CFAP299: variants seen among roughly 807,000 people sequenced by gnomAD.
The protein encoded by CFAP299 is cilia- and flagella-associated protein 299.
In CFAP299, 21 loss-of-function variants were observed where a neutral mutation model predicts 27.0. That is an observed-to-expected ratio of 0.78 (90% CI 0.55 to 1.12). The LOEUF is 1.12. CFAP299 is among the 50% of genes most tolerant of loss of function. CFAP299 has a pLI of 0.00. For missense variants in CFAP299, 310 were observed against 276.6 expected (o/e 1.12, Z -0.86); for synonymous variants, 104 against 98.1 (o/e 1.06, Z -0.36).
At chr4:80,567,923 G>C (rs1211904573) in intron 2 of CFAP299, among the ~76,000 whole-genome samples, 1 of 151,422 alleles carries the variant, frequency 6.6e-6, no homozygotes, top group African/African-American at 2.4e-5. Context: ...ATGTATATTT[G>C]AATCAATTAA....
intron 3 of CFAP299, among the ~76,000 whole-genome samples, chr4:80,824,452 A>G (rs113187370): frequency 6.6e-6 from 1 of 152,038 alleles, no homozygotes; most frequent in African/African-American, 2.4e-5. Flanking sequence ...GTAGGCAGCT[A>G]TTGTTGCACA....
intron 2 of CFAP299, among the ~76,000 whole-genome samples, chr4:80,422,854 G>T (rs1267940924): frequency 6.6e-6 from 1 of 152,020 alleles, no homozygotes; most frequent in Non-Finnish European, 1.5e-5. Flanking sequence ...GAAAATTGTG[G>T]GTAATTTTTG....
chr4:80,927,486 T>C lies in CFAP299; in HGVS notation c.477-17324T>C, dbSNP rs73831206. 7.7e-3 allele frequency among the ~76,000 whole-genome samples: 1,173 copies of C among 152,192 alleles called. 3 individuals carry two copies. Among genetic ancestry groups the C allele is most frequent in the Middle Eastern group, 0.014 (4 of 294 alleles). On this transcript the variant is annotated intron_variant, in intron 4 of 5. Transcript: ENST00000358105. ...CAAATTTAGTGGCTTAAAATGACAC[T>C]CATTTATCCCGTCACAGTTCTGTGT... is the stretch of plus-strand genomic sequence containing the variant.
At chr4:80,476,579 G>A (rs1379558017) in intron 2 of CFAP299, among the ~76,000 whole-genome samples, 1 of 152,094 alleles carries the variant, frequency 6.6e-6, no homozygotes, top group Non-Finnish European at 1.5e-5. Context: ...ATTTCTTTCT[G>A]CATCTTCTTT....
intron 3 of CFAP299, among the ~76,000 whole-genome samples, chr4:80,721,785 A>G (rs1722832073): frequency 6.6e-6 from 1 of 152,346 alleles, no homozygotes; most frequent in East Asian, 1.9e-4. Flanking sequence ...TATGCAAGTT[A>G]GAAAACTGTG....
intron 3 of CFAP299, among the ~76,000 whole-genome samples, chr4:80,614,876 T>A (rs1245780487): frequency 1.3e-5 from 2 of 152,202 alleles, no homozygotes; most frequent in East Asian, 3.8e-4. Context: ...AATTTTAATG[T>A]CAACATACAA....
chr4:80,439,244 A>G (rs942621101), intron 2 of CFAP299, among the ~76,000 whole-genome samples: 1 of 152,234 alleles, frequency 6.6e-6, no homozygotes, highest in African/African-American at 2.4e-5. Context: ...AAAAGCAATT[A>G]GGGTTTCAGG....
chr4:80,605,302 A>G (rs994823859), intron 3 of CFAP299, among the ~76,000 whole-genome samples: 44 of 152,220 alleles, frequency 2.9e-4, no homozygotes, highest in African/African-American at 1.0e-3. Context: ...GAACTTATCT[A>G]TGACTTTATT....
rs183833700 is a variant in CFAP299, at chr4:80,379,122, A to G, written c.242+16238A>G. On this transcript the variant is annotated intron_variant, in intron 2 of 5. Transcript: ENST00000358105. ...ACTACAAACTCTATTTTTAAAATAGATAATAGGGAAAATCAGGTTCTTTCT... is the reference window on the plus strand; with the variant it reads ...ACTACAAACTCTATTTTTAAAATAGGTAATAGGGAAAATCAGGTTCTTTCT... Among the ~76,000 whole-genome samples the G allele has an allele frequency of 9.0e-4, 137 of 152,196 alleles. 3 individuals carry two copies. The highest frequency in any genetic ancestry group is 3.2e-3 in the African/African-American group (132 of 41,576).
chr4:80,398,617 T>C lies in CFAP299; in HGVS notation c.242+35733T>C, dbSNP rs1360133034. Among the ~76,000 whole-genome samples the C allele has an allele frequency of 1.4e-4, 10 of 72,620 alleles. No individual in the cohort carries two copies. In the Admixed American group the frequency reaches 1.8e-3, roughly 13 times the overall value. 47.6% of individuals were successfully genotyped at this position (72,620 alleles called of 152,430 possible). On this transcript the variant is annotated intron_variant, in intron 2 of 5. Coordinates refer to ENST00000358105, the MANE Select transcript of CFAP299 (RefSeq NM_152770.3). The stretch of plus-strand genomic sequence containing the variant: ...GGATTCCCTATTTAATAAATGGTTC[T>C]GGGAAAACTGTCTGGCCACATGTAG...
At chr4:80,833,486 CT>C (rs1730406659) in intron 3 of CFAP299, among the ~76,000 whole-genome samples, 1 of 151,888 alleles carries the variant, frequency 6.6e-6, no homozygotes, top group African/African-American at 2.4e-5. Flanking sequence ...GAGACAACTA[CT>C]TTTAAAGGAA....
intron 3 of CFAP299, among the ~76,000 whole-genome samples, chr4:80,670,504 C>T (rs888345969): frequency 6.6e-5 from 10 of 152,042 alleles, no homozygotes; most frequent in Non-Finnish European, 1.2e-4. Flanking sequence ...GTATATACCC[C>T]GTAATGGGAT....
intron 3 of CFAP299, among the ~76,000 whole-genome samples, chr4:80,656,024 A>G (rs1286163940): frequency 6.6e-6 from 1 of 152,148 alleles, no homozygotes; most frequent in Admixed American, 6.6e-5. Flanking sequence ...GAACAGCTGC[A>G]GTAAATTGCC....
intron 3 of CFAP299, among the ~76,000 whole-genome samples, chr4:80,833,109 T>C (rs578243394): frequency 6.6e-6 from 1 of 152,298 alleles, no homozygotes; most frequent in Non-Finnish European, 1.5e-5. Flanking sequence ...TTTACATTAC[T>C]CAGCATGTGA....
intron 2 of CFAP299, among the ~76,000 whole-genome samples, chr4:80,450,005 A>C (rs1016328224): frequency 6.6e-6 from 1 of 152,154 alleles, no homozygotes; most frequent in African/African-American, 2.4e-5. Context: ...TCCTCTGCCT[A>C]AGTGTCCTAT....
At chr4:80,739,267 T>G (rs1032444152) in intron 3 of CFAP299, among the ~76,000 whole-genome samples, 1 of 152,158 alleles carries the variant, frequency 6.6e-6, no homozygotes, top group Admixed American at 6.5e-5. Context: ...ATTTTGAATC[T>G]TCAGATAATT....
chr4:80,870,191 T>A, intron 4 of CFAP299, 56 bp downstream of exon 4: 1 of 1,534,816 alleles, frequency 6.5e-7, no homozygotes, highest in Non-Finnish European at 8.8e-7. Flanking sequence ...CTTTTTATTT[T>A]ATGGTCTACA....
intron 3 of CFAP299, among the ~76,000 whole-genome samples, chr4:80,778,955 G>T (rs142480673): frequency 6.6e-6 from 1 of 152,080 alleles, no homozygotes; most frequent in East Asian, 1.9e-4. Context: ...TGATTTTGTA[G>T]ATACTGTCTT....
At chr4:80,828,142 C>G (rs553437205) in intron 3 of CFAP299, among the ~76,000 whole-genome samples, 103 of 152,022 alleles carry the variant, frequency 6.8e-4, no homozygotes, top group African/African-American at 2.2e-3. Flanking sequence ...AGATTCAATG[C>G]AATCCTTATC....
Sources: gnomAD v4.1 joint callset for allele counts (sites outside exome capture counted in the v4.1 genomes callset) on GRCh38, gnomAD v4.1.1 for gene constraint, MANE v1.5 for transcripts, NCBI Gene and HGNC (gene_info 2026-07-23, HGNC 2026-07-21) for gene names.